GRID2: variants seen among roughly 807,000 people sequenced by gnomAD.
The protein encoded by GRID2 is glutamate receptor ionotropic, delta-2.
GRID2 carries 33 observed loss-of-function variants against 114.8 expected under a neutral mutation model. The observed-to-expected ratio is 0.29, with a 90% CI of 0.22 to 0.38. GRID2 has a LOEUF of 0.38. Among genes scored for constraint, GRID2 ranks in the 10% least tolerant of loss-of-function variants. The probability of loss-of-function intolerance (pLI) is 1.00; values close to 1 mark genes in which losing one functional copy is unlikely to be tolerated. For missense variants in GRID2, 1,184 were observed against 1,257.7 expected (o/e 0.94, Z 0.89); for synonymous variants, 505 against 449.9 (o/e 1.12, Z -1.55).
intron 2 of GRID2, among the ~76,000 whole-genome samples, chr4:93,011,695 T>C (rs183296234): frequency 5.3e-5 from 8 of 152,236 alleles, no homozygotes; most frequent in South Asian, 4.1e-4. Flanking sequence ...CACATCGAGA[T>C]GTATCATGTT....
chr4:92,758,493 C>G (rs550880124), intron 2 of GRID2, among the ~76,000 whole-genome samples: 1 of 152,080 alleles, frequency 6.6e-6, no homozygotes, highest in African/African-American at 2.4e-5. Context: ...TCAAATAGGC[C>G]TGACTACAAC....
chr4:92,704,325 G>T (rs1734836325), intron 2 of GRID2, among the ~76,000 whole-genome samples: 2 of 152,138 alleles, frequency 1.3e-5, no homozygotes, highest in Admixed American at 6.5e-5. Context: ...TGAGATAGAT[G>T]AATTTAAGGA....
chr4:93,112,676 T>A (rs1224482016), intron 4 of GRID2, among the ~76,000 whole-genome samples: 1 of 152,170 alleles, frequency 6.6e-6, no homozygotes, highest in Admixed American at 6.5e-5. Context: ...GAGCTGCCAT[T>A]GGCTTAAACA....
At chr4:92,613,209 A>G (rs1042369818) in intron 2 of GRID2, among the ~76,000 whole-genome samples, 33 of 151,398 alleles carry the variant, frequency 2.2e-4, no homozygotes, top group African/African-American at 7.7e-4. Context: ...TTCTGTTGAG[A>G]TGGTATGTTG....
chr4:93,000,344 A>G (rs937035826), intron 2 of GRID2, among the ~76,000 whole-genome samples: 1 of 151,664 alleles, frequency 6.6e-6, no homozygotes, highest in Non-Finnish European at 1.5e-5. Flanking sequence ...TTCAAAATAA[A>G]TTTAAGACAT....
intron 2 of GRID2, among the ~76,000 whole-genome samples, chr4:92,955,149 TC>T (rs1752307431): frequency 8.0e-6 from 1 of 124,728 alleles, no homozygotes; most frequent in Non-Finnish European, 1.6e-5. Flanking sequence ...GATGGCTGGG[TC>T]AAATGGTATT....
chr4:92,882,788 G>A (rs925875916), intron 2 of GRID2, among the ~76,000 whole-genome samples: 1 of 152,080 alleles, frequency 6.6e-6, no homozygotes, highest in African/African-American at 2.4e-5. Flanking sequence ...AATAGCATAT[G>A]TCTAAAAAAT....
chr4:92,397,338 TTGTATGTG>T (rs1322897654), intron 1 of GRID2, among the ~76,000 whole-genome samples: 26 of 124,188 alleles, frequency 2.1e-4, no homozygotes, highest in African/African-American at 7.9e-4. Flanking sequence ...CTCTGTGTGT[TTGTATGTG>T]TGTGTGTGTG....
chr4:93,703,568 A>C (rs922312039), intron 14 of GRID2, among the ~76,000 whole-genome samples: 1 of 151,986 alleles, frequency 6.6e-6, no homozygotes, highest in South Asian at 2.1e-4. Context: ...ATACGTAAAC[A>C]TGTGCCATGT....
At chr4:93,370,185 A>G (rs1762729204) in intron 8 of GRID2, among the ~76,000 whole-genome samples, 1 of 151,948 alleles carries the variant, frequency 6.6e-6, no homozygotes, top group African/African-American at 2.4e-5. Context: ...CAGTAGATAC[A>G]CATATTTTCA....
chr4:92,488,925 G>A (rs1723022873), intron 1 of GRID2, among the ~76,000 whole-genome samples: 1 of 152,106 alleles, frequency 6.6e-6, no homozygotes, highest in Admixed American at 6.5e-5. Context: ...CTGAAACTGC[G>A]ACTACAGTAG....
chr4:93,526,686 G>A (rs1256469798), intron 13 of GRID2, among the ~76,000 whole-genome samples: 1 of 152,162 alleles, frequency 6.6e-6, no homozygotes, highest in East Asian at 1.9e-4. Context: ...GCGCATGCCT[G>A]TAATCCCAGC....
At chr4:93,076,153 C>T (rs993139327) in intron 2 of GRID2, among the ~76,000 whole-genome samples, 1 of 152,006 alleles carries the variant, frequency 6.6e-6, no homozygotes, top group Non-Finnish European at 1.5e-5. Flanking sequence ...CTGCCTCAGC[C>T]TCCCAAAGTG....
intron 2 of GRID2, among the ~76,000 whole-genome samples, chr4:92,711,668 C>A (rs1174312680): frequency 6.6e-6 from 1 of 152,084 alleles, no homozygotes; most frequent in Non-Finnish European, 1.5e-5. Context: ...TTTGGGAAGT[C>A]AAGACAGGAG....
chr4:92,530,621 G>T (rs904283897), intron 1 of GRID2, among the ~76,000 whole-genome samples: 3 of 151,392 alleles, frequency 2.0e-5, no homozygotes, highest in African/African-American at 4.9e-5. Context: ...TCCTTAAATG[G>T]CTGGGCATGG....
intron 10 of GRID2, 97 bp from the exon 11 acceptor site, chr4:93,455,565 A>G (rs561864010): frequency 1.9e-5 from 13 of 701,742 alleles, no homozygotes; most frequent in Non-Finnish European, 3.3e-5. Flanking sequence ...ATATTGCCTG[A>G]GGCATCTATT....
chr4:93,455,811 T>C lies in GRID2; in HGVS notation c.1695T>C (p.Phe565=). The change falls in exon 11 of 16, where the codon TTT becomes TTC. Residue 565 remains phenylalanine (F), a synonymous_variant. Transcript: ENST00000282020. ...ATATGTTTGCCTGTCTTGCACCATT[T>C]GATCTCTCTCTATGGGCTTGCATTG... ...TVDMFACLAP[F]DLSLWACIAG... The C allele has an allele frequency of 6.2e-7, 1 of 1,613,846 alleles. No homozygotes were observed. The highest frequency in any genetic ancestry group is 2.2e-5 in the East Asian group (1 of 44,846).
intron 13 of GRID2, among the ~76,000 whole-genome samples, chr4:93,550,427 T>C (rs915639218): frequency 7.2e-5 from 11 of 152,204 alleles, no homozygotes; most frequent in African/African-American, 2.2e-4. Flanking sequence ...AATGCTTGGC[T>C]ATTACAGAAG....
chr4:93,262,110 G>C (rs908973566), intron 8 of GRID2, among the ~76,000 whole-genome samples: 3 of 151,488 alleles, frequency 2.0e-5, no homozygotes, highest in Non-Finnish European at 4.4e-5. Context: ...AGTAAAAAAA[G>C]TCAATACCTA....
Sources: gnomAD v4.1 joint callset for allele counts (sites outside exome capture counted in the v4.1 genomes callset) on GRCh38, gnomAD v4.1.1 for gene constraint, MANE v1.5 for transcripts, NCBI Gene and HGNC (gene_info 2026-07-23, HGNC 2026-07-21) for gene names.